The following PTX4 variants were observed in gnomAD, a reference collection of about 807,000 sequenced individuals.
PTX4 encodes the protein pentraxin-4.
In PTX4, 23 loss-of-function variants were observed where a neutral mutation model predicts 19.1. The observed-to-expected ratio is 1.20, with a 90% CI of 0.87 to 1.70. The LOEUF (loss-of-function observed/expected upper bound fraction) is 1.70. Ranked by LOEUF, PTX4 falls within the 40% of genes most tolerant of loss-of-function variation. The probability of loss-of-function intolerance (pLI) is 0.00; values close to 1 mark genes in which losing one functional copy is unlikely to be tolerated. For synonymous variants in PTX4, 317 were observed against 279.6 expected (o/e 1.13, Z -1.33); for missense variants, 678 against 610.5 (o/e 1.11, Z -1.17).
At position 1,487,645 on chromosome 16, in the gene PTX4, C is replaced by A. The variant is rs374365019; in HGVS notation, c.467G>T (p.Arg156Leu). The stretch of plus-strand genomic sequence containing the variant: ...CTGGCTGTGGACGAGGCCCTCCAGG[C>A]GTGCCAGTGAGTCCTGCAGGGCGTC... ...QRDALQDSLARLEGLVHSQGA... is the reference protein window; with the variant it reads ...QRDALQDSLALLEGLVHSQGA... Residue 156 changes from arginine (R) to leucine (L), a missense_variant, in exon 2 of 3, where the codon CGC (arginine) becomes CTC (leucine). Coordinates refer to ENST00000447419, the MANE Select transcript of PTX4 (RefSeq NM_001328608.2). 5.7e-6 allele frequency: 9 copies of A among 1,583,610 alleles called. No individual in the cohort carries two copies. In the Admixed American group the frequency reaches 6.9e-5, roughly 12 times the overall value.
In PTX4 at chr16:1,485,950, G is replaced by A. The variant is rs551823333; in HGVS notation, c.1426C>T (p.Arg476Cys). The A allele has an allele frequency of 5.2e-5, 83 of 1,605,242 alleles. No homozygotes were observed. The East Asian group carries it at 8.1e-4, about 16-fold the overall frequency. The change falls in exon 3 of 3, where the codon CGC (arginine) becomes TGC (cysteine). Residue 476 changes from arginine (R) to cysteine (C), a missense_variant. Transcript: ENST00000447419. ...CGTGCGGCTCGGCCTCAGGGACAGC[G>A]TTCCAGGCAGGTGCAGTTGGCCCCC... The part of the protein sequence containing the change: ...VQGANCTCLE[R>C]CP
rs2039248669 is a variant in PTX4 at position 1,486,578 on chromosome 16, A to T, written c.798T>A (p.Ile266=). ...AAACGAGGGTGGGGCCCACGCCGCA[A>T]ACTAGAAACAGAGGAGGGAGGGTCA... ...QAWSPQVPGE[I]CGVGPTLVFP... The change falls in exon 3 of 3, where the codon ATT becomes ATA. Residue 266 remains isoleucine (I), a splice_region_variant and synonymous_variant. Coordinates refer to ENST00000447419, the MANE Select transcript of PTX4 (RefSeq NM_001328608.2). 6.5e-7 allele frequency: 1 copy of T among 1,539,266 alleles called. No individual in the cohort carries two copies. Among genetic ancestry groups the T allele is most frequent in the African/African-American group, 1.4e-5 (1 of 72,482 alleles).
rs764636963 is a variant in PTX4, at chr16:1,485,989, C to T, written c.1387G>A (p.Gly463Ser). The change falls in exon 3 of 3, where the codon GGC becomes AGC. Residue 463 changes from glycine (G) to serine (S), a missense_variant. Gly to Ser is a moderately conservative substitution (Grantham distance 56, BLOSUM62 0). Transcript: ENST00000447419. ...CAGTTGGCCCCCTGCACAAATCCGCCTGCTAGTGCAGCATTGGCCAGCGTC... is the reference window on the plus strand; with the variant it reads ...CAGTTGGCCCCCTGCACAAATCCGCTTGCTAGTGCAGCATTGGCCAGCGTC... Reference protein sequence around the residue: ...ILTLANAALAGGFVQGANCTC... With the variant: ...ILTLANAALASGFVQGANCTC... The T allele has an allele frequency of 1.1e-5, 17 of 1,612,868 alleles. No individual in the cohort carries two copies. The East Asian group carries it at 2.0e-4, about 19-fold the overall frequency.
At position 1,487,631 on chromosome 16, in the gene PTX4, C is replaced by G; in HGVS notation, c.481G>C (p.Val161Leu). 6.3e-7 allele frequency: 1 copy of G among 1,578,268 alleles called. No homozygotes were observed. Among genetic ancestry groups the G allele is most frequent in the South Asian group, 1.1e-5 (1 of 86,986 alleles). Reference protein sequence around the residue: ...QDSLARLEGLVHSQGARLAAL... With the variant: ...QDSLARLEGLLHSQGARLAAL... ...GCCAGCCTGGCGCCCTGGCTGTGGA[C>G]GAGGCCCTCCAGGCGTGCCAGTGAG... The change falls in exon 2 of 3, where the codon GTC (valine) becomes CTC (leucine). Residue 161 changes from valine to leucine, a missense_variant. Physicochemically the swap from Val to Leu is conservative, Grantham distance 32 (BLOSUM62 1). Transcript: ENST00000447419.
chr16:1,486,472 A>G lies in PTX4; in HGVS notation c.904T>C (p.Trp302Arg). Reference protein sequence around the residue: ...TALRALSFCSWVRTASGRLGT... With the variant: ...TALRALSFCSRVRTASGRLGT... ...AGGCGGCCGGAGGCCGTGCGGACCC[A>G]GCTGCAGAAGGACAGGGCTCGCAGG... is the stretch of plus-strand genomic sequence containing the variant. The change falls in exon 3 of 3, where the codon TGG becomes CGG. Residue 302 changes from tryptophan to arginine, a missense_variant. By Grantham distance (101) the Trp-to-Arg change is moderately radical. Coordinates refer to ENST00000447419, the MANE Select transcript of PTX4 (RefSeq NM_001328608.2). 6.2e-7 allele frequency: 1 copy of G among 1,613,296 alleles called. No individual in the cohort carries two copies. Among genetic ancestry groups the G allele is most frequent in the Non-Finnish European group, 8.5e-7 (1 of 1,179,618 alleles).
At chr16:1,486,699 ACT>A in intron 2 of PTX4, 120 bp from the exon 3 acceptor site, 2 of 1,065,444 alleles carry the variant, frequency 1.9e-6, no homozygotes, top group Non-Finnish European at 1.3e-6. Context: ...CGGAGCACTG[ACT>A]CTGCGCTGGC....
chr16:1,487,063 C>G (rs933510457), intron 2 of PTX4, among the ~76,000 whole-genome samples: 1 of 152,196 alleles, frequency 6.6e-6, no homozygotes, highest in Non-Finnish European at 1.5e-5. Flanking sequence ...CACCCTTCGG[C>G]GTGGGGCCTC....
Position 1,485,971 on chromosome 16 carries a change from C to A in PTX4, c.1405G>T (p.Ala469Ser). 1 of 1,609,870 alleles carries A rather than the reference C, an allele frequency of 6.2e-7. No individual in the cohort carries two copies. ...CAGCGTTCCAGGCAGGTGCAGTTGG[C>A]CCCCTGCACAAATCCGCCTGCTAGT... is the stretch of plus-strand genomic sequence containing the variant. ...AALAGGFVQG[A>S]NCTCLERCP Residue 469 changes from alanine to serine, a missense_variant, in exon 3 of 3, where the codon GCC becomes TCC. Physicochemically the swap from Ala to Ser is moderately conservative, Grantham distance 99 (BLOSUM62 1). Coordinates refer to ENST00000447419, the MANE Select transcript of PTX4 (RefSeq NM_001328608.2).
chr16:1,487,994 T>TGGGGC (rs1463028033), intron 1 of PTX4, 24 bp from the exon 2 acceptor site: 7 of 1,471,548 alleles, frequency 4.8e-6, no homozygotes, highest in Middle Eastern at 3.7e-4. Context: ...ACGGTGATGA[T>TGGGGC]GGGGCGGGCC....
Position 1,487,479 on chromosome 16 carries a change from C to G in PTX4, c.633G>C (p.Gln211His). ...PTSLKLQRDR[Q>H]ELRAASEHRG... ...TGTGCTCAGAGGCAGCTCGGAGCTCCTGCCTGTCCCTCTGAAGCTTCAGGG... is the reference window on the plus strand; with the variant it reads ...TGTGCTCAGAGGCAGCTCGGAGCTCGTGCCTGTCCCTCTGAAGCTTCAGGG... The change falls in exon 2 of 3, where the codon CAG (glutamine) becomes CAC (histidine). Residue 211 changes from glutamine to histidine, a missense_variant. Gln to His is a conservative substitution (Grantham distance 24). Transcript: ENST00000447419. 13 of 1,509,026 alleles carry G rather than the reference C, an allele frequency of 8.6e-6. No homozygotes were observed. Among genetic ancestry groups the G allele is most frequent in the Non-Finnish European group, 1.2e-5 (13 of 1,129,996 alleles). The allele number at this position is 1,509,026 out of a possible 1,614,324, so 93.5% of individuals were successfully genotyped here.
At chr16:1,488,739 C>T (rs1054801019) in intron 1 of PTX4, 30 bp downstream of exon 1, 12 of 667,930 alleles carry the variant, frequency 1.8e-5, no homozygotes, top group African/African-American at 7.2e-5. Flanking sequence ...TTTAAAAACC[C>T]GACTGCGCCA....
Position 1,486,593 on chromosome 16 carries a change from AG to A in PTX4, c.797-15del. On this transcript the variant is annotated splice_polypyrimidine_tract_variant and intron_variant, in intron 2 of 2. Transcript: ENST00000447419. ...CCACGCCGCAAACTAGAAACAGAGG[AG>A]GGAGGGTCAACCCCTTGCAGGAGGC... 4 of 1,532,386 alleles carry A rather than the reference AG, an allele frequency of 2.6e-6. No individual in the cohort carries two copies. The highest frequency in any genetic ancestry group is 3.5e-6 in the Non-Finnish European group (4 of 1,141,282). The allele number at this position is 1,532,386 out of a possible 1,614,324, so 94.9% of individuals were successfully genotyped here. A position where few individuals can be genotyped will look rare whatever the true frequency, so the allele number is the denominator to read the frequency against.
In PTX4 at chr16:1,487,658, C is replaced by G. The variant is rs1404837414; in HGVS notation, c.454G>C (p.Asp152His). Residue 152 changes from aspartate to histidine, a missense_variant, in exon 2 of 3, where the codon GAC becomes CAC. By Grantham distance (81) the Asp-to-His change is moderately conservative (BLOSUM62 -1). Coordinates refer to ENST00000447419, the MANE Select transcript of PTX4 (RefSeq NM_001328608.2). ...AGGCCCTCCAGGCGTGCCAGTGAGT[C>G]CTGCAGGGCGTCCCTCTGGGCCTTG... ...AHKAQRDALQ[D>H]SLARLEGLVH... The G allele has an allele frequency of 6.3e-7, 1 of 1,597,812 alleles. No individual in the cohort carries two copies. The highest frequency in any genetic ancestry group is 8.5e-7 in the Non-Finnish European group (1 of 1,169,898).
intron 1 of PTX4, chr16:1,488,482 C>T: frequency 3.1e-6 from 5 of 1,608,978 alleles, no homozygotes; most frequent in East Asian, 4.5e-5. Flanking sequence ...CTACCCGGCC[C>T]CCATGGCCCC....
At chr16:1,488,470 C>G in intron 1 of PTX4, 1 of 1,612,246 alleles carries the variant, frequency 6.2e-7, no homozygotes, top group South Asian at 1.1e-5. Flanking sequence ...CTCCCCATGA[C>G]ACTACCCGGC....
rs1274314964 is a variant in PTX4, at chr16:1,487,335, G to A, written c.777C>T (p.Ser259=). Residue 259 remains serine (S), a synonymous_variant, in exon 2 of 3, where the codon TCC becomes TCT. Transcript: ENST00000447419. ...APKDPRQQAW[S]PQVPGEICGV... ...ACTTACTCTCTCCTGGCACCTGGGG[G>A]GACCATGCCTGCTGCCGAGGGTCTT... The A allele has an allele frequency of 1.7e-5, 27 of 1,549,994 alleles. No homozygotes were observed. The highest frequency in any genetic ancestry group is 4.2e-5 in the African/African-American group (3 of 71,116).
Position 1,486,353 on chromosome 16 carries a change from C to A in PTX4, c.1023G>T (p.Val341=), listed in dbSNP as rs1482615896. ...DSLLPGSIHF[V]IGDPAFRELP... ...GCTCCCTGAAGGCCGGGTCCCCGAT[C>A]ACGAAGTGGATGGATCCGGGCAGCA... The change falls in exon 3 of 3, where the codon GTG becomes GTT. Residue 341 remains valine (V), a synonymous_variant. Coordinates refer to ENST00000447419, the MANE Select transcript of PTX4 (RefSeq NM_001328608.2). 1 of 1,613,932 alleles carries A rather than the reference C, an allele frequency of 6.2e-7. No individual in the cohort carries two copies. The highest frequency in any genetic ancestry group is 1.1e-5 in the South Asian group (1 of 91,084).
In PTX4 at chr16:1,485,937, C is replaced by T. The variant is rs781585135; in HGVS notation, c.*2G>A. On this transcript the variant is annotated 3_prime_UTR_variant, in exon 3 of 3. Coordinates refer to ENST00000447419, the MANE Select transcript of PTX4 (RefSeq NM_001328608.2). ...TGGCCTCAGCCCCCGTGCGGCTCGG[C>T]CTCAGGGACAGCGTTCCAGGCAGGT... 3.8e-6 allele frequency: 6 copies of T among 1,599,354 alleles called. No individual in the cohort carries two copies. In the Admixed American group the frequency reaches 1.0e-4, roughly 27 times the overall value.
At chr16:1,487,179 C>G (rs2039253485) in intron 2 of PTX4, 137 bp downstream of exon 2, 2 of 815,808 alleles carry the variant, frequency 2.5e-6, no homozygotes, top group Non-Finnish European at 3.5e-6. Context: ...TGGGCCACCC[C>G]CCCCGATGAT....
Sources: allele counts gnomAD v4.1 joint callset (sites outside exome capture counted in the v4.1 genomes callset), GRCh38; gene constraint gnomAD v4.1.1; transcripts MANE v1.5; gene names NCBI Gene and HGNC (gene_info 2026-07-23, HGNC 2026-07-21).